CAP2: variants seen among roughly 807,000 people sequenced by gnomAD.
The protein encoded by CAP2 is cyclase associated actin cytoskeleton regulatory protein 2, also known as adenylyl cyclase-associated protein 2.
A neutral mutation model predicts 57.7 loss-of-function variants in CAP2; 24 were observed. The observed-to-expected ratio is 0.42, with a 90% CI of 0.30 to 0.58. CAP2 has a LOEUF of 0.58. Among genes scored for constraint, CAP2 ranks in the 20% least tolerant of loss-of-function variants. CAP2 has a pLI of 0.22. For synonymous variants in CAP2, 194 were observed against 207.2 expected (o/e 0.94, Z 0.55); for missense variants, 501 against 590.3 (o/e 0.85, Z 1.57).
chr6:17,436,255 C>T (rs989925816), intron 3 of CAP2, among the ~76,000 whole-genome samples: 2 of 152,080 alleles, frequency 1.3e-5, no homozygotes, highest in African/African-American at 4.8e-5. Flanking sequence ...TCCCAAATAA[C>T]TGGGATTATA....
intron 2 of CAP2, among the ~76,000 whole-genome samples, chr6:17,424,300 T>C (rs1218262816): frequency 6.6e-6 from 1 of 152,050 alleles, no homozygotes; most frequent in Non-Finnish European, 1.5e-5. Context: ...CTCGGGAGGC[T>C]GAGGCAGGAA....
intron 3 of CAP2, among the ~76,000 whole-genome samples, chr6:17,452,260 G>T (rs1011781091): frequency 6.6e-6 from 1 of 152,218 alleles, no homozygotes; most frequent in Admixed American, 6.5e-5. Flanking sequence ...ACCACAAATA[G>T]CAGGCAATCT....
At chr6:17,428,591 AG>A (rs1759647704) in intron 3 of CAP2, among the ~76,000 whole-genome samples, 1 of 129,266 alleles carries the variant, frequency 7.7e-6, no homozygotes, top group South Asian at 2.6e-4. Context: ...ACATGGACAC[AG>A]GAAGGGGAAT....
In CAP2 at chr6:17,460,026, G is replaced by A. The variant is rs185155559; in HGVS notation, c.223-2970G>A. Among the ~76,000 whole-genome samples the A allele has an allele frequency of 5.3e-5, 8 of 152,172 alleles. No homozygotes were observed. In the South Asian group the frequency reaches 6.2e-4, roughly 12 times the overall value. ...AAATATACTATGGAATGTTCAAAAC[G>A]CAAACATATCTTAGTGAAGCTATTA... On this transcript the variant is annotated intron_variant, in intron 3 of 12. Coordinates refer to ENST00000229922, the MANE Select transcript of CAP2 (RefSeq NM_006366.3).
chr6:17,532,750 A>C (rs12191709), intron 7 of CAP2, among the ~76,000 whole-genome samples: 5,338 of 148,116 alleles, frequency 0.036, 133 homozygotes, highest in Admixed American at 0.053. Flanking sequence ...TAAAAAAAAA[A>C]ACACACACAC....
At chr6:17,531,797 C>A (rs1216327570) in intron 7 of CAP2, 2 of 571,442 alleles carry the variant, frequency 3.5e-6, no homozygotes, top group East Asian at 2.9e-5. Context: ...AAGATACCTG[C>A]AAATCACCCA....
intron 12 of CAP2, among the ~76,000 whole-genome samples, chr6:17,552,850 C>A (rs139529960): frequency 2.6e-3 from 395 of 152,312 alleles, no homozygotes; most frequent in Admixed American, 6.2e-3. Context: ...CCACATTCTC[C>A]CTTCCCCACC....
At chr6:17,401,467 G>A (rs905788415) in intron 1 of CAP2, among the ~76,000 whole-genome samples, 4 of 152,196 alleles carry the variant, frequency 2.6e-5, no homozygotes, top group African/African-American at 9.7e-5. Flanking sequence ...GCAAGTGATA[G>A]ATCAATATGA....
chr6:17,468,264 C>A (rs1316118036), intron 4 of CAP2, among the ~76,000 whole-genome samples: 1 of 152,138 alleles, frequency 6.6e-6, no homozygotes, highest in African/African-American at 2.4e-5. Context: ...ATGGTGACCC[C>A]CAATTTCAAA....
At chr6:17,519,098 C>T (rs1581589726) in intron 7 of CAP2, among the ~76,000 whole-genome samples, 1 of 152,106 alleles carries the variant, frequency 6.6e-6, no homozygotes, top group Admixed American at 6.6e-5. Flanking sequence ...GATTTGCACT[C>T]TGTGGGGTTT....
At chr6:17,523,642 G>T (rs190682139) in intron 7 of CAP2, among the ~76,000 whole-genome samples, 37 of 152,296 alleles carry the variant, frequency 2.4e-4, no homozygotes, top group Admixed American at 2.0e-3. Flanking sequence ...GAGTCTCAAA[G>T]CTATAGGGAA....
intron 7 of CAP2, among the ~76,000 whole-genome samples, chr6:17,528,474 T>C (rs1762562402): frequency 6.6e-6 from 1 of 152,218 alleles, no homozygotes; most frequent in African/African-American, 2.4e-5. Context: ...TTTCATGTAC[T>C]GCCAAAGCTC....
chr6:17,457,012 T>C (rs781179736), intron 3 of CAP2, among the ~76,000 whole-genome samples: 12 of 152,190 alleles, frequency 7.9e-5, no homozygotes, highest in Non-Finnish European at 1.5e-4. Flanking sequence ...CTCCCAAGGA[T>C]GGTTTTAAAC....
At chr6:17,520,547 C>T (rs750392150) in intron 7 of CAP2, among the ~76,000 whole-genome samples, 24 of 152,146 alleles carry the variant, frequency 1.6e-4, no homozygotes, top group Non-Finnish European at 2.6e-4. Flanking sequence ...GGTGGCGTTT[C>T]ATTTTTCCCA....
chr6:17,455,210 A>G (rs1760526520), intron 3 of CAP2, among the ~76,000 whole-genome samples: 1 of 152,132 alleles, frequency 6.6e-6, no homozygotes, highest in South Asian at 2.1e-4. Flanking sequence ...AGACTCAAGC[A>G]TGAGCACTAA....
intron 3 of CAP2, among the ~76,000 whole-genome samples, chr6:17,453,901 C>CTT (rs11339880): frequency 8.7e-6 from 1 of 114,968 alleles, no homozygotes; most frequent in African/African-American, 3.8e-5. Context: ...TCTTTTTATT[C>CTT]TTTTTTTTTT....
rs144049507 is a variant in CAP2, at chr6:17,419,203, C to T, written c.-1-2352C>T. 1.6e-3 allele frequency among the ~76,000 whole-genome samples: 248 copies of T among 152,274 alleles called. 1 individual carries two copies. Among genetic ancestry groups the T allele is most frequent in the African/African-American group, 5.7e-3 (236 of 41,556 alleles). On this transcript the variant is annotated intron_variant, in intron 1 of 12. Coordinates refer to ENST00000229922, the MANE Select transcript of CAP2 (RefSeq NM_006366.3). ...TCACTGTGTTTAAGCTCAAAACTGACGGACTACAAAACACATAAGAGAAAT... is the reference window on the plus strand; with the variant it reads ...TCACTGTGTTTAAGCTCAAAACTGATGGACTACAAAACACATAAGAGAAAT...
At chr6:17,499,618 G>A (rs146841392) in intron 4 of CAP2, among the ~76,000 whole-genome samples, 2 of 152,108 alleles carry the variant, frequency 1.3e-5, no homozygotes, top group African/African-American at 4.8e-5. Context: ...AGAGGCTGGG[G>A]TGGGAGGATT....
chr6:17,556,474 T>C lies in CAP2; in HGVS notation c.*32T>C, dbSNP rs1561828855. On this transcript the variant is annotated 3_prime_UTR_variant, in exon 13 of 13. Coordinates refer to ENST00000229922, the MANE Select transcript of CAP2 (RefSeq NM_006366.3). ...GAGAGACCGAACCCCCTCACCTGAA[T>C]CCCCCTCTATCAAACAAACAAAAAA... The C allele has an allele frequency of 7.0e-7, 1 of 1,429,752 alleles. No homozygotes were observed. The highest frequency in any genetic ancestry group is 9.9e-7 in the Non-Finnish European group (1 of 1,011,916). The allele number at this position is 1,429,752 out of a possible 1,614,324, so 88.6% of individuals were successfully genotyped here.
Sources: gnomAD v4.1 joint callset for allele counts (sites outside exome capture counted in the v4.1 genomes callset) on GRCh38, gnomAD v4.1.1 for gene constraint, MANE v1.5 for transcripts, NCBI Gene and HGNC (gene_info 2026-07-23, HGNC 2026-07-21) for gene names.